Variants in NTRK3 observed in about 807,000 individuals in gnomAD.
NTRK3 encodes the protein neurotrophic receptor tyrosine kinase 3, also known as NT-3 growth factor receptor.
NTRK3 carries 24 observed loss-of-function variants against 91.7 expected under a neutral mutation model. The ratio of observed to expected loss-of-function variants is 0.26; its 90% CI spans 0.19 to 0.37. The LOEUF (loss-of-function observed/expected upper bound fraction) is 0.37. Among genes scored for constraint, NTRK3 ranks in the 10% least tolerant of loss-of-function variants. The probability of loss-of-function intolerance (pLI) is 1.00; values close to 1 mark genes in which losing one functional copy is unlikely to be tolerated. For synonymous variants in NTRK3, 483 were observed against 404.0 expected, an observed-to-expected ratio of 1.20 and a Z score of -2.34; for missense variants, 880 against 1,068.9, an observed-to-expected ratio of 0.82 and a Z score of 2.46.
At chr15:88,170,383 A>G (rs914522297) in intron 5 of NTRK3, among the ~76,000 whole-genome samples, 2 of 152,214 alleles carry the variant, frequency 1.3e-5, no homozygotes, top group African/African-American at 4.8e-5. Flanking sequence ...CCAAGAGGAT[A>G]AAGTCCTTTC....
chr15:87,932,179 C>T (rs1411890206), intron 16 of NTRK3, among the ~76,000 whole-genome samples: 2 of 152,202 alleles, frequency 1.3e-5, no homozygotes, highest in African/African-American at 2.4e-5. Flanking sequence ...AGTCTCTTAC[C>T]AGTTACATTA....
At chr15:88,118,266 A>G (rs1196926240) in intron 13 of NTRK3, among the ~76,000 whole-genome samples, 1 of 152,200 alleles carries the variant, frequency 6.6e-6, no homozygotes, top group Non-Finnish European at 1.5e-5. Context: ...CTGCAGCCAC[A>G]TGACAGCTTC....
chr15:87,942,625 G>A (rs764141449), intron 14 of NTRK3, among the ~76,000 whole-genome samples: 7 of 152,112 alleles, frequency 4.6e-5, no homozygotes, highest in African/African-American at 7.2e-5. Flanking sequence ...TGAACACGCC[G>A]GGATTGGGAA....
chr15:88,230,347 T>C (rs575435392), intron 3 of NTRK3, among the ~76,000 whole-genome samples: 1 of 152,178 alleles, frequency 6.6e-6, no homozygotes, highest in Non-Finnish European at 1.5e-5. Flanking sequence ...AAACCTGTTG[T>C]TCCCACAAGT....
At chr15:88,111,897 T>C (rs1244134811) in intron 13 of NTRK3, among the ~76,000 whole-genome samples, 2 of 96,878 alleles carry the variant, frequency 2.1e-5, no homozygotes, top group African/African-American at 1.1e-4. Flanking sequence ...TCTGGTTTTT[T>C]TTTTGTTTTT....
chr15:88,050,536 T>C (rs557232497), intron 13 of NTRK3, among the ~76,000 whole-genome samples: 1 of 151,946 alleles, frequency 6.6e-6, no homozygotes, highest in African/African-American at 2.4e-5. Context: ...TGTGTTTGTA[T>C]AGAAAGCATA....
At chr15:87,974,464 C>G (rs763474160) in intron 14 of NTRK3, among the ~76,000 whole-genome samples, 1 of 151,916 alleles carries the variant, frequency 6.6e-6, no homozygotes, top group Non-Finnish European at 1.5e-5. Context: ...CACCCTTGCC[C>G]AGACCTGGGC....
chr15:87,953,698 A>G (rs1010604864), intron 14 of NTRK3, among the ~76,000 whole-genome samples: 6 of 152,174 alleles, frequency 3.9e-5, no homozygotes, highest in African/African-American at 9.7e-5. Flanking sequence ...CACACTCAGG[A>G]GCCCCAAAAG....
At chr15:87,915,941 G>T (rs1421153626) in intron 17 of NTRK3, among the ~76,000 whole-genome samples, 1 of 152,142 alleles carries the variant, frequency 6.6e-6, no homozygotes, top group East Asian at 1.9e-4. Flanking sequence ...TGCAATGTCA[G>T]TGGGTGCTCG....
intron 5 of NTRK3, among the ~76,000 whole-genome samples, chr15:88,166,540 T>C (rs142138601): frequency 6.6e-6 from 1 of 152,338 alleles, no homozygotes; most frequent in East Asian, 1.9e-4. Context: ...GAGGGCTCCC[T>C]GGGCTCTGGC....
At chr15:88,110,227 G>C (rs140177206) in intron 13 of NTRK3, among the ~76,000 whole-genome samples, 1 of 152,328 alleles carries the variant, frequency 6.6e-6, no homozygotes, top group Non-Finnish European at 1.5e-5. Flanking sequence ...GGTGGGTAAA[G>C]AAAGAGACAA....
chr15:87,958,442 T>C (rs1288628700), intron 14 of NTRK3, among the ~76,000 whole-genome samples: 1 of 152,110 alleles, frequency 6.6e-6, no homozygotes, highest in Non-Finnish European at 1.5e-5. Flanking sequence ...TTGGCATCTC[T>C]GCTTGTGTGT....
intron 5 of NTRK3, among the ~76,000 whole-genome samples, chr15:88,150,903 C>T (rs562887789): frequency 3.4e-4 from 52 of 152,276 alleles, no homozygotes; most frequent in African/African-American, 1.2e-3. Context: ...GCCACCCACT[C>T]GGAACTCATT....
intron 13 of NTRK3, among the ~76,000 whole-genome samples, chr15:88,125,267 C>A (rs2053164214): frequency 1.3e-5 from 2 of 152,214 alleles, no homozygotes. Context: ...CATTTGCATA[C>A]AACTCAGAGG....
At chr15:88,054,854 T>C (rs1486942845) in intron 13 of NTRK3, among the ~76,000 whole-genome samples, 1 of 152,288 alleles carries the variant, frequency 6.6e-6, no homozygotes, top group East Asian at 1.9e-4. Context: ...TATTTTTTTT[T>C]CCAAAGTGCA....
At chr15:88,136,782 A>C (rs1198327519) in intron 7 of NTRK3, among the ~76,000 whole-genome samples, 173 bp from the exon 8 acceptor site, 2 of 152,222 alleles carry the variant, frequency 1.3e-5, no homozygotes, top group African/African-American at 4.8e-5. Context: ...TCACCTCCCC[A>C]GTAGACATCA....
intron 17 of NTRK3, chr15:87,928,752 C>T (rs1012347322): frequency 4.3e-6 from 1 of 230,642 alleles, no homozygotes; most frequent in African/African-American, 2.3e-5. Context: ...ATAATTCTTA[C>T]ATAATCACAA....
intron 5 of NTRK3, among the ~76,000 whole-genome samples, chr15:88,179,608 CTG>C (rs919167865): frequency 6.8e-4 from 103 of 152,312 alleles, no homozygotes; most frequent in African/African-American, 2.5e-3. Flanking sequence ...GCGATCCAGT[CTG>C]TGTGAGCCAT....
intron 13 of NTRK3, among the ~76,000 whole-genome samples, chr15:88,034,178 A>G (rs2078865487): frequency 1.3e-5 from 2 of 152,150 alleles, no homozygotes; most frequent in African/African-American, 4.8e-5. Flanking sequence ...GCCTGGACCT[A>G]AGCTGAGCCA....
Sources: allele counts gnomAD v4.1 joint callset (sites outside exome capture counted in the v4.1 genomes callset), GRCh38; gene constraint gnomAD v4.1.1; transcripts MANE v1.5; gene names NCBI Gene and HGNC (gene_info 2026-07-23, HGNC 2026-07-21).